The following ZNF585A variants were observed in gnomAD, a reference collection of about 807,000 sequenced individuals.
ZNF585A encodes the protein zinc finger protein 585A.
A neutral mutation model predicts 14.9 loss-of-function variants in ZNF585A; 9 were observed. That is an observed-to-expected ratio of 0.60 (90% CI 0.36 to 1.05). The LOEUF is 1.05. Ranked by LOEUF, ZNF585A falls within the 50% of genes least tolerant of loss-of-function variation. ZNF585A has a pLI of 0.01. For synonymous variants in ZNF585A, 276 were observed against 319.9 expected (o/e 0.86, Z 1.46); for missense variants, 726 against 926.4 (o/e 0.78, Z 2.81).
intron 1 of ZNF585A, among the ~76,000 whole-genome samples, chr19:37,171,407 A>C (rs1331058770): frequency 6.6e-6 from 1 of 152,240 alleles, no homozygotes; most frequent in African/African-American, 2.4e-5. Flanking sequence ...GCAATTAACC[A>C]AATAAGATGC....
intron 2 of ZNF585A, among the ~76,000 whole-genome samples, chr19:37,168,205 G>C (rs1012626631): frequency 5.3e-5 from 8 of 152,156 alleles, no homozygotes; most frequent in African/African-American, 1.9e-4. Flanking sequence ...CTTTTGACCT[G>C]TTCCTAAATT....
At chr19:37,160,343 AAAATAAAT>A (rs148963406) in intron 2 of ZNF585A, among the ~76,000 whole-genome samples, 32,875 of 138,630 alleles carry the variant, frequency 0.24, 4,630 homozygotes, top group African/African-American at 0.39. Flanking sequence ...ACCTGTCTCA[AAAATAAAT>A]AAATAAATAA....
chr19:37,165,099 T>C (rs1291860083), intron 2 of ZNF585A, among the ~76,000 whole-genome samples: 1 of 152,196 alleles, frequency 6.6e-6, no homozygotes, highest in Non-Finnish European at 1.5e-5. Context: ...CGGTGGCTCA[T>C]GCCTGTAATC....
At chr19:37,171,684 T>A (rs1172399174) in intron 1 of ZNF585A, among the ~76,000 whole-genome samples, 1 of 152,150 alleles carries the variant, frequency 6.6e-6, no homozygotes, top group Non-Finnish European at 1.5e-5. Flanking sequence ...GTAGATCACC[T>A]GAGGTCAGGA....
intron 2 of ZNF585A, among the ~76,000 whole-genome samples, chr19:37,158,981 C>T (rs1475992351): frequency 6.6e-6 from 1 of 152,092 alleles, no homozygotes; most frequent in Admixed American, 6.6e-5. Context: ...GGTGTGGTGG[C>T]TCACACCTGT....
chr19:37,152,744 A>C lies in ZNF585A; in HGVS notation c.1155T>G (p.Ser385Arg). ...IHTGEKPYEC[S>R]DCGKAFTQKS... is the part of the protein sequence containing the mutation. Reference sequence around the variant, plus strand: ...TCTGAGTGAAGGCTTTCCCACAGTCACTGCATTCATAAGGTTTCTCTCCAG... The same window carrying C: ...TCTGAGTGAAGGCTTTCCCACAGTCCCTGCATTCATAAGGTTTCTCTCCAG... The change falls in exon 5 of 5, where the codon AGT (serine) becomes AGG (arginine). Residue 385 changes from serine (S) to arginine (R), a missense_variant. Ser to Arg is a moderately radical substitution (Grantham distance 110, BLOSUM62 -1). Transcript: ENST00000292841. 25 of 1,614,172 alleles carry C rather than the reference A, an allele frequency of 1.5e-5. No individual in the cohort carries two copies. The highest frequency in any genetic ancestry group is 2.1e-5 in the Non-Finnish European group (25 of 1,180,024).
intron 2 of ZNF585A, among the ~76,000 whole-genome samples, chr19:37,167,919 C>T (rs556218051): frequency 5.9e-5 from 9 of 152,232 alleles, no homozygotes; most frequent in Admixed American, 5.2e-4. Context: ...CGTGAGCCAC[C>T]GCCCCAGACC....
At chr19:37,164,390 A>G (rs1972056549) in intron 2 of ZNF585A, among the ~76,000 whole-genome samples, 1 of 148,196 alleles carries the variant, frequency 6.7e-6, no homozygotes, top group Admixed American at 6.8e-5. Context: ...GCGACACAGC[A>G]AGACACTGTC....
At chr19:37,168,262 A>T (rs904334013) in intron 2 of ZNF585A, among the ~76,000 whole-genome samples, 1 of 152,130 alleles carries the variant, frequency 6.6e-6, no homozygotes, top group Admixed American at 6.5e-5. Flanking sequence ...TTAAATGAGG[A>T]TAAAAGCAGC....
Position 37,153,564 on chromosome 19 carries a change from CTG to C in ZNF585A, c.333_334del (p.Ser112LeufsTer2), listed in dbSNP as rs1191209072. 1 of 1,613,656 alleles carries C rather than the reference CTG, an allele frequency of 6.2e-7. No homozygotes were observed. Among genetic ancestry groups the C allele is most frequent in the African/African-American group, 1.3e-5 (1 of 74,898 alleles). ...AGGTTGAGAGGATACTTGTTTATAA[CTG>C]AGGATTTTTCTACATTGATTATGGT... On this transcript the variant is annotated frameshift_variant, in exon 5 of 5. Transcript: ENST00000292841. LOFTEE classifies it low-confidence loss of function (END_TRUNC).
intron 2 of ZNF585A, among the ~76,000 whole-genome samples, chr19:37,157,449 A>G (rs73622746): frequency 0.01 from 1,541 of 152,320 alleles, 25 homozygotes; most frequent in African/African-American, 0.035. Context: ...GAAGTTTTTT[A>G]AAAAAGAAGA....
At chr19:37,163,901 C>T (rs1483319912) in intron 2 of ZNF585A, among the ~76,000 whole-genome samples, 1 of 152,032 alleles carries the variant, frequency 6.6e-6, no homozygotes, top group African/African-American at 2.4e-5. Context: ...CACACACACA[C>T]ACAAAAAAGC....
chr19:37,153,658 A>T (rs753273331), intron 4 of ZNF585A, 52 bp from the exon 5 acceptor site: 37 of 1,380,734 alleles, frequency 2.7e-5, no homozygotes, highest in Non-Finnish European at 3.5e-5. Flanking sequence ...TCATTTGGTA[A>T]TCTTTTTAAC....
At chr19:37,161,544 T>G (rs1972013526) in intron 2 of ZNF585A, among the ~76,000 whole-genome samples, 1 of 152,094 alleles carries the variant, frequency 6.6e-6, no homozygotes, top group South Asian at 2.1e-4. Context: ...ATACATGAAT[T>G]TTTTTCAATA....
In ZNF585A at chr19:37,148,578, T is replaced by C. The variant is rs1328795038; in HGVS notation, c.*3011A>G. On this transcript the variant is annotated 3_prime_UTR_variant, in exon 5 of 5. Transcript: ENST00000292841. ...CCTGTTCTTCATCTTGATTGTGGTG[T>C]TGATTGCATGATTAGATACAACTGT... The C allele has an allele frequency of 6.6e-6, 1 of 152,176 alleles. No homozygotes were observed. Among genetic ancestry groups the C allele is most frequent in the East Asian group, 1.9e-4 (1 of 5,194 alleles). The allele number at this position is 152,176 out of a possible 1,614,324, so 9.4% of individuals were successfully genotyped here. A position where few individuals can be genotyped will look rare whatever the true frequency, so the allele number is the denominator to read the frequency against.
intron 4 of ZNF585A, among the ~76,000 whole-genome samples, chr19:37,154,619 A>G (rs1971892778): frequency 6.6e-6 from 1 of 152,050 alleles, no homozygotes; most frequent in Admixed American, 6.6e-5. Context: ...AGGGTGATTA[A>G]TTATGTTAAA....
At chr19:37,157,489 T>C (rs1449280714) in intron 2 of ZNF585A, among the ~76,000 whole-genome samples, 1 of 152,224 alleles carries the variant, frequency 6.6e-6, no homozygotes, top group Non-Finnish European at 1.5e-5. Context: ...TGTTGAAAAG[T>C]AGATGCCTTA....
At chr19:37,166,344 C>T (rs1189100659) in intron 2 of ZNF585A, among the ~76,000 whole-genome samples, 3 of 142,646 alleles carry the variant, frequency 2.1e-5, no homozygotes, top group East Asian at 4.1e-4. Flanking sequence ...GACAGAGTCT[C>T]GCTCTCGCTC....
chr19:37,168,076 T>C (rs1972125022), intron 2 of ZNF585A, among the ~76,000 whole-genome samples: 1 of 152,228 alleles, frequency 6.6e-6, no homozygotes, highest in East Asian at 1.9e-4. Context: ...TTAATATAGT[T>C]CAAAAATACA....
Sources: allele counts gnomAD v4.1 joint callset (sites outside exome capture counted in the v4.1 genomes callset), GRCh38; gene constraint gnomAD v4.1.1; transcripts MANE v1.5; gene names NCBI Gene and HGNC (gene_info 2026-07-23, HGNC 2026-07-21).